Variants in EYA2 observed in about 807,000 individuals in gnomAD.
EYA2 encodes the protein protein phosphatase EYA2.
In EYA2, 31 loss-of-function variants were observed where a neutral mutation model predicts 69.2. The observed-to-expected ratio is 0.45, with a 90% CI of 0.34 to 0.60. The LOEUF (loss-of-function observed/expected upper bound fraction) is 0.60. Among genes scored for constraint, EYA2 ranks in the 20% least tolerant of loss-of-function variants. The pLI, the probability that EYA2 is intolerant of heterozygous loss-of-function variation, is 0.02. For missense variants in EYA2, 622 were observed against 701.2 expected, an observed-to-expected ratio of 0.89 and a Z score of 1.28; for synonymous variants, 257 against 279.4, an observed-to-expected ratio of 0.92 and a Z score of 0.80.
At chr20:47,164,624 C>T (rs575343469) in intron 10 of EYA2, among the ~76,000 whole-genome samples, 65 of 152,230 alleles carry the variant, frequency 4.3e-4, no homozygotes, top group Non-Finnish European at 7.9e-4. Flanking sequence ...CTAGGCCATC[C>T]ATTTATATGG....
intron 15 of EYA2, among the ~76,000 whole-genome samples, chr20:47,185,944 G>A (rs148525930): frequency 9.7e-4 from 147 of 152,236 alleles, no homozygotes; most frequent in African/African-American, 3.1e-3. Flanking sequence ...GCAGCAATGA[G>A]CATTGCATTC....
chr20:47,093,270 T>G (rs1200715395), intron 8 of EYA2, among the ~76,000 whole-genome samples: 6 of 152,222 alleles, frequency 3.9e-5, no homozygotes, highest in Admixed American at 3.9e-4. Flanking sequence ...ATCTTTCACC[T>G]TCTGTTCTTG....
At chr20:47,103,090 A>G (rs2032469570) in intron 9 of EYA2, among the ~76,000 whole-genome samples, 1 of 151,998 alleles carries the variant, frequency 6.6e-6, no homozygotes, top group East Asian at 1.9e-4. Context: ...TGTTGTTGTT[A>G]ATAACAATTT....
chr20:47,100,210 C>T lies in EYA2; in HGVS notation c.888+3042C>T, dbSNP rs546940226. Among the ~76,000 whole-genome samples the T allele has an allele frequency of 5.3e-5, 8 of 152,346 alleles. 1 individual carries two copies. The South Asian group carries it at 1.7e-3, about 32-fold the overall frequency. ...ACTGCAGATATTTCTCTTTGGCCCCCAGAGTGTTTGAAAAAATGTGAATGT... is the reference window on the plus strand; with the variant it reads ...ACTGCAGATATTTCTCTTTGGCCCCTAGAGTGTTTGAAAAAATGTGAATGT... On this transcript the variant is annotated intron_variant, in intron 9 of 15. Coordinates refer to ENST00000327619, the MANE Select transcript of EYA2 (RefSeq NM_005244.5).
At chr20:47,178,856 G>GGGTGGATGGATGGT (rs1212719018) in intron 12 of EYA2, among the ~76,000 whole-genome samples, 1 of 81,644 alleles carries the variant, frequency 1.2e-5, no homozygotes, top group Non-Finnish European at 2.5e-5. Flanking sequence ...GGATGGATGG[G>GGGTGGATGGATGGT]TAGATACGTG....
chr20:46,979,449 A>G (rs1568700316), intron 1 of EYA2: 1 of 152,182 alleles, frequency 6.6e-6, no homozygotes, highest in Non-Finnish European at 1.5e-5. Context: ...AGGGTTTTGC[A>G]ACAATGCAAC....
intron 4 of EYA2, among the ~76,000 whole-genome samples, chr20:47,006,620 C>T (rs763554267): frequency 2.6e-5 from 4 of 152,194 alleles, no homozygotes; most frequent in Non-Finnish European, 5.9e-5. Context: ...TTTGTTTGTT[C>T]ATTCATTCAT....
intron 1 of EYA2, among the ~76,000 whole-genome samples, chr20:46,898,420 C>G (rs541493797): frequency 6.6e-6 from 1 of 151,126 alleles, no homozygotes; most frequent in Admixed American, 6.6e-5. Context: ...CACACACACA[C>G]ACACCACAAT....
intron 5 of EYA2, among the ~76,000 whole-genome samples, chr20:47,039,096 G>A (rs1984887534): frequency 7.2e-6 from 1 of 138,510 alleles, no homozygotes; most frequent in Non-Finnish European, 1.6e-5. Flanking sequence ...CAAAAAACCA[G>A]AGCAGATGTC....
intron 5 of EYA2, among the ~76,000 whole-genome samples, chr20:47,049,293 T>A (rs1304787732): frequency 6.6e-6 from 1 of 152,170 alleles, no homozygotes; most frequent in Non-Finnish European, 1.5e-5. Flanking sequence ...GTGCAGTGCT[T>A]TTAACTAAAC....
chr20:46,963,656 C>A (rs1979613776), intron 1 of EYA2, among the ~76,000 whole-genome samples: 1 of 152,166 alleles, frequency 6.6e-6, no homozygotes, highest in Non-Finnish European at 1.5e-5. Flanking sequence ...TGAAGTGGAG[C>A]CTGAGCATTG....
rs766738869 is a variant in EYA2 at position 47,074,209 on chromosome 20, G to A, written c.535G>A (p.Gly179Ser). ...CCAGAGCCAGTACCCCCAGTATTACGGCTCATCCTACAACCCTCCCTACGT... is the reference window on the plus strand; with the variant it reads ...CCAGAGCCAGTACCCCCAGTATTACAGCTCATCCTACAACCCTCCCTACGT... ...FPQSQYPQYY[G>S]SSYNPPYVPA... Residue 179 changes from glycine to serine, a missense_variant, in exon 7 of 16, where the codon GGC becomes AGC. Gly to Ser is a moderately conservative substitution (Grantham distance 56, BLOSUM62 0). Around this residue, in one of 2 missense-constraint regions of EYA2, gnomAD observed 365 missense variants for 349.7 expected, o/e 1.04. Transcript: ENST00000327619. The A allele has an allele frequency of 7.7e-5, 124 of 1,613,672 alleles. No individual in the cohort carries two copies. Among genetic ancestry groups the A allele is most frequent in the South Asian group, 5.6e-4 (51 of 91,062 alleles).
At chr20:47,001,620 GTCAC>G in intron 3 of EYA2, 147 bp downstream of exon 3, 1 of 818,850 alleles carries the variant, frequency 1.2e-6, no homozygotes. Flanking sequence ...GCTTGAGCAA[GTCAC>G]TCCACCTCCC....
intron 5 of EYA2, among the ~76,000 whole-genome samples, chr20:47,039,695 G>A (rs1237044921): frequency 6.6e-6 from 1 of 152,082 alleles, no homozygotes; most frequent in East Asian, 1.9e-4. Flanking sequence ...ATCTTGTAGT[G>A]ATAAAAGACA....
intron 9 of EYA2, among the ~76,000 whole-genome samples, chr20:47,101,039 C>T (rs148104641): frequency 1.1e-3 from 172 of 152,256 alleles, no homozygotes; most frequent in Middle Eastern, 3.4e-3. Flanking sequence ...GGGGGACTTG[C>T]CCCTCTCTTT....
intron 5 of EYA2, among the ~76,000 whole-genome samples, chr20:47,069,863 C>T (rs2031249017): frequency 8.1e-6 from 1 of 123,724 alleles, no homozygotes; most frequent in African/African-American, 3.8e-5. Flanking sequence ...CATATATATG[C>T]ACATATATAT....
chr20:47,047,082 T>C (rs6090614), intron 5 of EYA2, among the ~76,000 whole-genome samples: 4,380 of 152,280 alleles, frequency 0.029, 153 homozygotes, highest in African/African-American at 0.087. Context: ...AATGATTTTT[T>C]TTCTCTTTTC....
intron 15 of EYA2, among the ~76,000 whole-genome samples, chr20:47,186,673 T>C (rs2034649681): frequency 6.6e-6 from 1 of 152,142 alleles, no homozygotes; most frequent in South Asian, 2.1e-4. Flanking sequence ...CATTCGTTCT[T>C]CAAGGTCTGG....
chr20:46,895,761 C>G (rs138590592), intron 1 of EYA2, among the ~76,000 whole-genome samples: 2 of 152,200 alleles, frequency 1.3e-5, no homozygotes, highest in African/African-American at 4.8e-5. Context: ...GCCTCCCCCC[C>G]AGCAATAAAT....
Sources: gnomAD v4.1 joint callset for allele counts (sites outside exome capture counted in the v4.1 genomes callset) on GRCh38, gnomAD v4.1.1 for gene constraint, gnomAD v4.1.1 regional missense constraint, MANE v1.5 for transcripts, NCBI Gene and HGNC (gene_info 2026-07-23, HGNC 2026-07-21) for gene names.